ROBO1: variants seen among roughly 807,000 people sequenced by gnomAD.
ROBO1 encodes roundabout homolog 1.
ROBO1 carries 149 observed loss-of-function variants against 195.9 expected under a neutral mutation model. The ratio of observed to expected loss-of-function variants is 0.76; its 90% CI spans 0.67 to 0.87. The LOEUF (loss-of-function observed/expected upper bound fraction) is 0.87, where lower values mean the gene tolerates loss of function less well. Among genes scored for constraint, ROBO1 ranks in the 40% least tolerant of loss-of-function variants. ROBO1 has a pLI of 0.00. For missense variants in ROBO1, 1,933 were observed against 2,068.3 expected, an observed-to-expected ratio of 0.93 and a Z score of 1.27; for synonymous variants, 816 against 733.2, an observed-to-expected ratio of 1.11 and a Z score of -1.82.
intron 1 of ROBO1, among the ~76,000 whole-genome samples, chr3:79,607,487 T>G (rs1201637446): frequency 1.3e-5 from 2 of 151,708 alleles, no homozygotes; most frequent in South Asian, 4.1e-4. Flanking sequence ...TTAAAACATA[T>G]TAACATTAAA....
At chr3:79,701,527 G>T (rs1363311279) in intron 1 of ROBO1, among the ~76,000 whole-genome samples, 2 of 151,598 alleles carry the variant, frequency 1.3e-5, no homozygotes, top group Non-Finnish European at 1.5e-5. Flanking sequence ...ACAAAAGATA[G>T]AAATAAATTT....
chr3:79,470,373 A>G (rs1325037506), intron 2 of ROBO1, among the ~76,000 whole-genome samples: 1 of 152,174 alleles, frequency 6.6e-6, no homozygotes, highest in African/African-American at 2.4e-5. Context: ...GAACACCTGG[A>G]CACAGGAAAG....
intron 17 of ROBO1, 87 bp downstream of exon 17, chr3:78,659,599 C>T (rs1575860621): frequency 3.8e-6 from 4 of 1,060,158 alleles, no homozygotes; most frequent in South Asian, 3.6e-5. Flanking sequence ...GCCAAATATC[C>T]ATAAACAAAT....
intron 2 of ROBO1, among the ~76,000 whole-genome samples, chr3:79,564,321 A>G (rs1316415100): frequency 6.6e-6 from 1 of 152,052 alleles, no homozygotes; most frequent in African/African-American, 2.4e-5. Context: ...GTGGACTTTC[A>G]GTGCTGAGCA....
At chr3:79,731,066 A>T (rs1203295944) in intron 1 of ROBO1, among the ~76,000 whole-genome samples, 1 of 152,136 alleles carries the variant, frequency 6.6e-6, no homozygotes, top group African/African-American at 2.4e-5. Context: ...TCTACATTTT[A>T]GTCAGCAAAC....
rs932188732 is a variant in ROBO1 at position 78,607,185 on chromosome 3, A to G, written c.4436-144T>C. On this transcript the variant is annotated intron_variant, in intron 28 of 30. Coordinates refer to ENST00000464233, the MANE Select transcript of ROBO1 (RefSeq NM_002941.4). ...AATACTTGAAGGTAACCAAGGAAAA[A>G]TACCCACAATTTTTTAAAATTTATG... 3.9e-6 allele frequency: 3 copies of G among 761,068 alleles called. No homozygotes were observed. The African/African-American group carries it at 5.3e-5, about 13-fold the overall frequency. The allele number at this position is 761,068 out of a possible 1,614,324, so 47.1% of individuals were successfully genotyped here.
chr3:78,879,226 T>C (rs1419139278), intron 4 of ROBO1, among the ~76,000 whole-genome samples: 3 of 152,192 alleles, frequency 2.0e-5, no homozygotes, highest in Admixed American at 6.5e-5. Context: ...ACAATGATAT[T>C]ACACGCAGGG....
intron 1 of ROBO1, among the ~76,000 whole-genome samples, chr3:79,665,982 C>T (rs1338316805): frequency 1.3e-5 from 2 of 151,628 alleles, no homozygotes; most frequent in Non-Finnish European, 1.5e-5. Context: ...ACACAAGGGT[C>T]TCTAATTTGA....
chr3:78,647,763 ATAAC>A lies in ROBO1; in HGVS notation c.2813-112_2813-109del. 6.4e-6 allele frequency: 6 copies of A among 943,758 alleles called. No individual in the cohort carries two copies. The South Asian group carries it at 6.7e-5, about 11-fold the overall frequency. The allele number at this position is 943,758 out of a possible 1,614,324, so 58.5% of individuals were successfully genotyped here. A position where few individuals can be genotyped will look rare whatever the true frequency, so the allele number is the denominator to read the frequency against. On this transcript the variant is annotated intron_variant, in intron 19 of 30. Coordinates refer to ENST00000464233, the MANE Select transcript of ROBO1 (RefSeq NM_002941.4). The stretch of plus-strand genomic sequence containing the variant: ...ACAGCTGAACATAAAACAAATGTAA[ATAAC>A]TAAGCCAGTAGTTCTGACAATCTGA...
rs1157796668 is a variant in ROBO1 at position 78,702,508 on chromosome 3, C to A, written c.1045+11889G>T. 1.4e-4 allele frequency among the ~76,000 whole-genome samples: 21 copies of A among 152,138 alleles called. 1 individual carries two copies. Among genetic ancestry groups the A allele is most frequent in the Admixed American group, 1.4e-3 (21 of 15,272 alleles). ...ATTAACTTTTTCACATTGAATGATA[C>A]TAACTCTGATAAAATAATTCCAAGT... On this transcript the variant is annotated intron_variant, in intron 8 of 30. Transcript: ENST00000464233.
At chr3:79,717,904 T>A (rs1211249358) in intron 1 of ROBO1, among the ~76,000 whole-genome samples, 2 of 152,002 alleles carry the variant, frequency 1.3e-5, no homozygotes, top group Admixed American at 6.6e-5. Context: ...GGAAGGAGAA[T>A]GAAGCTATGT....
At chr3:79,704,918 C>T (rs531027654) in intron 1 of ROBO1, among the ~76,000 whole-genome samples, 2 of 152,090 alleles carry the variant, frequency 1.3e-5, no homozygotes, top group South Asian at 2.1e-4. Flanking sequence ...TTGTCGTCTG[C>T]GTTTCCCTGA....
chr3:79,259,764 C>T (rs538419912), intron 2 of ROBO1, among the ~76,000 whole-genome samples: 6 of 152,162 alleles, frequency 3.9e-5, no homozygotes, highest in Admixed American at 3.3e-4. Flanking sequence ...AGATTTAAAT[C>T]GACATTTCTC....
intron 1 of ROBO1, among the ~76,000 whole-genome samples, chr3:79,749,322 C>T (rs529082773): frequency 1.3e-5 from 2 of 152,248 alleles, no homozygotes; most frequent in East Asian, 3.9e-4. Flanking sequence ...CTGTTAAAAG[C>T]ATTCAGTTTT....
In ROBO1 at chr3:78,669,475, G is replaced by A. The variant is rs143147464; in HGVS notation, c.1548+621C>T. Reference sequence around the variant, plus strand: ...ATTCTTTCATATGCCTCAGGAGCTCGTCTGATCTTGACATAAAAAAAGAAG... The same window carrying A: ...ATTCTTTCATATGCCTCAGGAGCTCATCTGATCTTGACATAAAAAAAGAAG... On this transcript the variant is annotated intron_variant, in intron 11 of 30. Transcript: ENST00000464233. Among the ~76,000 whole-genome samples the A allele has an allele frequency of 2.7e-3, 414 of 152,238 alleles. 3 individuals carry two copies. The highest frequency in any genetic ancestry group is 3.4e-3 in the Non-Finnish European group (230 of 68,026).
chr3:79,437,745 A>G (rs554708453), intron 2 of ROBO1, among the ~76,000 whole-genome samples: 1 of 152,098 alleles, frequency 6.6e-6, no homozygotes, highest in Admixed American at 6.6e-5. Flanking sequence ...GGTTGTGTAT[A>G]GTGGGAGTTG....
At chr3:79,048,573 C>T (rs1278480152) in intron 3 of ROBO1, among the ~76,000 whole-genome samples, 1 of 152,086 alleles carries the variant, frequency 6.6e-6, no homozygotes, top group Non-Finnish European at 1.5e-5. Context: ...TGCTGACTGC[C>T]ATTATTTCAA....
intron 1 of ROBO1, among the ~76,000 whole-genome samples, chr3:79,633,619 C>A (rs1025872481): frequency 1.3e-5 from 2 of 151,890 alleles, no homozygotes; most frequent in Non-Finnish European, 2.9e-5. Context: ...CTAGTGCAAA[C>A]CCTCTTAAGC....
At chr3:79,275,991 A>C (rs2031000515) in intron 2 of ROBO1, among the ~76,000 whole-genome samples, 1 of 152,046 alleles carries the variant, frequency 6.6e-6, no homozygotes, top group Admixed American at 6.6e-5. Flanking sequence ...ACAAAAATGG[A>C]AAGCTATTCC....
Sources: gnomAD v4.1 joint callset for allele counts (sites outside exome capture counted in the v4.1 genomes callset) on GRCh38, gnomAD v4.1.1 for gene constraint, MANE v1.5 for transcripts, NCBI Gene and HGNC (gene_info 2026-07-23, HGNC 2026-07-21) for gene names.